USP28: variants seen among roughly 807,000 people sequenced by gnomAD.
USP28 encodes ubiquitin specific peptidase 28, also known as ubiquitin carboxyl-terminal hydrolase 28.
USP28 carries 113 observed loss-of-function variants against 145.0 expected under a neutral mutation model. The observed-to-expected ratio is 0.78, with a 90% CI of 0.67 to 0.91. The LOEUF is 0.91. Ranked by LOEUF, USP28 falls within the 40% of genes least tolerant of loss-of-function variation. USP28 has a pLI of 0.00. For synonymous variants in USP28, 447 were observed against 450.9 expected, an observed-to-expected ratio of 0.99 and a Z score of 0.11; for missense variants, 1,201 against 1,289.6, an observed-to-expected ratio of 0.93 and a Z score of 1.05.
chr11:113,840,718 C>A lies in USP28; in HGVS notation c.414G>T (p.Lys138Asn). 4 of 1,614,204 alleles carry A rather than the reference C, an allele frequency of 2.5e-6. No individual in the cohort carries two copies. In the South Asian group the frequency reaches 4.4e-5, roughly 18 times the overall value. ...CTCCCCAGACTTCACAGCGTTTTCT[C>A]TTTGAGCGTTTAGTTTCTGCAGAGG... Residue 138 changes from lysine (K) to asparagine (N), a missense_variant, in exon 5 of 25, where the codon AAG becomes AAT. Lys to Asn is a moderately conservative substitution (Grantham distance 94). Transcript: ENST00000003302.
chr11:113,803,315 G>A, intron 22 of USP28, 34 bp from the exon 24 acceptor site: 1 of 1,576,838 alleles, frequency 6.3e-7, no homozygotes, highest in Non-Finnish European at 8.6e-7. Context: ...ACAGCTGAGT[G>A]CTCTTTTACT....
chr11:113,872,617 G>C (rs569078574), intron 1 of USP28, among the ~76,000 whole-genome samples: 1 of 152,200 alleles, frequency 6.6e-6, no homozygotes, highest in East Asian at 1.9e-4. Flanking sequence ...AATAAATCAA[G>C]AGAAAGCAAA....
chr11:113,809,484 T>C (rs1591510221), intron 16 of USP28, among the ~76,000 whole-genome samples: 1 of 152,338 alleles, frequency 6.6e-6, no homozygotes, highest in Non-Finnish European at 1.5e-5. Flanking sequence ...CAATTAGTTA[T>C]AGTTGAGCAT....
At chr11:113,865,424 C>T (rs1254924542) in intron 1 of USP28, among the ~76,000 whole-genome samples, 1 of 152,204 alleles carries the variant, frequency 6.6e-6, no homozygotes, top group Non-Finnish European at 1.5e-5. Flanking sequence ...GGAGGACTCA[C>T]ACTTCTTATA....
Position 113,875,439 on chromosome 11 carries a change from G to A in USP28, c.57+6C>T. Reference sequence around the variant, plus strand: ...CCCAGCTCCCGCTCGCCGCCGCGGAGCCCACCGAGCCGTGGCCGTCTGCCG... The same window carrying A: ...CCCAGCTCCCGCTCGCCGCCGCGGAACCCACCGAGCCGTGGCCGTCTGCCG... On this transcript the variant is annotated splice_donor_region_variant and intron_variant, in intron 1 of 24. Coordinates refer to ENST00000003302, the Ensembl canonical transcript of USP28. The A allele has an allele frequency of 8.0e-7, 1 of 1,244,386 alleles. No homozygotes were observed. Among genetic ancestry groups the A allele is most frequent in the South Asian group, 2.3e-5 (1 of 42,708 alleles). 77.1% of individuals were successfully genotyped at this position (1,244,386 alleles called of 1,614,324 possible).
intron 17 of USP28, 81 bp from the exon 18 acceptor site, chr11:113,808,518 T>C: frequency 2.7e-6 from 4 of 1,477,484 alleles, no homozygotes; most frequent in Non-Finnish European, 3.7e-6. Flanking sequence ...GCAGAATGTA[T>C]ACAGTTTAAT....
intron 16 of USP28, 35 bp downstream of exon 16, chr11:113,812,241 T>TC (rs752703147): frequency 4.5e-6 from 7 of 1,560,104 alleles, no homozygotes; most frequent in Non-Finnish European, 6.2e-6. Flanking sequence ...GTACAGATTT[T>TC]CCCCAATCTA....
chr11:113,853,803 C>A (rs970351137), intron 2 of USP28, among the ~76,000 whole-genome samples: 12 of 148,124 alleles, frequency 8.1e-5, no homozygotes, highest in Admixed American at 2.1e-4. Context: ...AGCTTGAATG[C>A]GGGAGGGAGA....
At chr11:113,829,216 G>C (rs771707478) in exon 10 of USP28, 5 of 1,613,840 alleles carry the variant, frequency 3.1e-6, no homozygotes, top group Non-Finnish European at 4.2e-6. Flanking sequence ...ATACTTCACC[G>C]AGTGATCGGA....
intron 22 of USP28, 44 bp from the exon 24 acceptor site, chr11:113,803,325 T>C: frequency 6.4e-7 from 1 of 1,568,274 alleles, no homozygotes. Context: ...GCTCTTTTAC[T>C]AAAATCTAGG....
intron 15 of USP28, 111 bp from the exon 16 acceptor site, chr11:113,812,615 A>AT: frequency 2.1e-6 from 2 of 932,986 alleles, no homozygotes; most frequent in Non-Finnish European, 3.2e-6. Flanking sequence ...GTTCATATTA[A>AT]AACATCTTGT....
exon 24 of USP28, chr11:113,801,576 G>A (rs763525258): frequency 1.2e-6 from 2 of 1,610,616 alleles, no homozygotes; most frequent in Admixed American, 1.7e-5. Flanking sequence ...TTAATGATAA[G>A]GTGAATGCAG....
chr11:113,829,368 TA>T lies in USP28; in HGVS notation c.911-24del, dbSNP rs763323768. 9.9e-6 allele frequency: 16 copies of T among 1,610,068 alleles called. No individual in the cohort carries two copies. In the East Asian group the frequency reaches 2.7e-4, roughly 27 times the overall value. ...TTCCTAGGCAAAGAGAGAGACTTTT[TA>T]AAAAAGACATCACTATGACTATCTA... On this transcript the variant is annotated intron_variant, in intron 9 of 24. Transcript: ENST00000003302.
intron 1 of USP28, among the ~76,000 whole-genome samples, chr11:113,858,792 T>C (rs908894433): frequency 6.6e-6 from 1 of 152,114 alleles, no homozygotes; most frequent in African/African-American, 2.4e-5. Context: ...GTATTTTTAG[T>C]AGAGATGAGG....
At chr11:113,816,815 A>G (rs1461598542) in intron 13 of USP28, among the ~76,000 whole-genome samples, 2 of 152,210 alleles carry the variant, frequency 1.3e-5, no homozygotes, top group African/African-American at 4.8e-5. Context: ...TACAAAAATT[A>G]AAAAATTTAA....
chr11:113,814,003 T>TA (rs766146344), intron 14 of USP28, 48 bp from the exon 15 acceptor site: 2 of 1,413,316 alleles, frequency 1.4e-6, no homozygotes, highest in East Asian at 4.6e-5. Context: ...GATCTCATTC[T>TA]ATGTCACACA....
chr11:113,813,815 T>C, intron 15 of USP28, 70 bp downstream of exon 15: 1 of 1,255,120 alleles, frequency 8.0e-7, no homozygotes, highest in South Asian at 1.3e-5. Flanking sequence ...AAAAGAAAAC[T>C]ATCAAATTTG....
intron 3 of USP28, among the ~76,000 whole-genome samples, chr11:113,843,701 A>AT (rs1349676083): frequency 2.0e-5 from 3 of 151,634 alleles, no homozygotes; most frequent in South Asian, 2.1e-4. Flanking sequence ...CTAAAAAAAA[A>AT]TTTTTTTAAT....
intron 9 of USP28, among the ~76,000 whole-genome samples, chr11:113,829,824 CAAAAAA>C (rs5794883): frequency 9.6e-6 from 1 of 104,678 alleles, no homozygotes; most frequent in East Asian, 2.9e-4. Flanking sequence ...GGACTTGTCT[CAAAAAA>C]AAAAAAAAAA....
Sources: allele counts gnomAD v4.1 joint callset (sites outside exome capture counted in the v4.1 genomes callset), GRCh38; gene constraint gnomAD v4.1.1; transcripts MANE v1.5; gene names NCBI Gene and HGNC (gene_info 2026-07-23, HGNC 2026-07-21).